OLA1: variants seen among roughly 807,000 people sequenced by gnomAD.
OLA1 encodes Obg like ATPase 1.
In OLA1, 14 loss-of-function variants were observed where a neutral mutation model predicts 48.4. The observed-to-expected ratio is 0.29, with a 90% CI of 0.19 to 0.45. The LOEUF is 0.45. Among genes scored for constraint, OLA1 ranks in the 20% least tolerant of loss-of-function variants. The probability of loss-of-function intolerance (pLI) is 1.00; values close to 1 mark genes in which losing one functional copy is unlikely to be tolerated. For synonymous variants in OLA1, 127 were observed against 150.4 expected (o/e 0.84, Z 1.14); for missense variants, 325 against 467.1 (o/e 0.70, Z 2.80).
intron 7 of OLA1, among the ~76,000 whole-genome samples, chr2:174,104,821 T>A (rs1477358604): frequency 6.6e-6 from 1 of 151,998 alleles, no homozygotes; most frequent in Non-Finnish European, 1.5e-5. Context: ...TAAAAACACA[T>A]GATTTTCAAC....
chr2:174,197,434 T>G (rs35576448), intron 4 of OLA1, among the ~76,000 whole-genome samples: 18 of 33,946 alleles, frequency 5.3e-4, no homozygotes, highest in African/African-American at 2.2e-3. Context: ...GGTTTGTTGT[T>G]TTTTTTTTTT....
At chr2:174,093,783 T>C (rs1401802937) in intron 7 of OLA1, among the ~76,000 whole-genome samples, 1 of 152,224 alleles carries the variant, frequency 6.6e-6, no homozygotes, top group Non-Finnish European at 1.5e-5. Context: ...CTATATTATG[T>C]TCCTATATAC....
chr2:174,223,611 CTATT>C (rs1184328246), intron 3 of OLA1, among the ~76,000 whole-genome samples: 16 of 151,884 alleles, frequency 1.1e-4, no homozygotes, highest in Non-Finnish European at 2.9e-5. Context: ...AAGATGGATG[CTATT>C]TATTAAGCCC....
At chr2:174,135,205 C>A (rs1385108432) in intron 5 of OLA1, among the ~76,000 whole-genome samples, 4 of 143,686 alleles carry the variant, frequency 2.8e-5, no homozygotes, top group Non-Finnish European at 4.6e-5. Context: ...GAGCACCAAA[C>A]AGGTAAAGTT....
rs189966162 is a variant in OLA1 at position 174,234,938 on chromosome 2, C to T, written c.102-5487G>A. The stretch of plus-strand genomic sequence containing the variant: ...TTTTGGAAGGCAGAGGCGGGCAGAT[C>T]ACTTGAGGTCAGGAGTTTAAGACCA... On this transcript the variant is annotated intron_variant, in intron 2 of 10. Transcript: ENST00000284719. Among the ~76,000 whole-genome samples, 295 of 152,224 alleles carry T rather than the reference C, an allele frequency of 1.9e-3. 2 individuals carry two copies. The highest frequency in any genetic ancestry group is 6.8e-3 in the African/African-American group (282 of 41,532).
intron 4 of OLA1, among the ~76,000 whole-genome samples, chr2:174,147,684 C>T (rs1406396422): frequency 6.6e-6 from 1 of 152,132 alleles, no homozygotes; most frequent in Non-Finnish European, 1.5e-5. Context: ...ATGACACCGA[C>T]CAAATGCTAA....
intron 4 of OLA1, among the ~76,000 whole-genome samples, chr2:174,150,293 T>C (rs1686713521): frequency 6.6e-6 from 1 of 152,198 alleles, no homozygotes; most frequent in Non-Finnish European, 1.5e-5. Context: ...TCCACCACCA[T>C]ATGATGGCCT....
chr2:174,163,504 A>G (rs1687061820), intron 4 of OLA1, among the ~76,000 whole-genome samples: 1 of 151,598 alleles, frequency 6.6e-6, no homozygotes, highest in Non-Finnish European at 1.5e-5. Context: ...CCTGGCCAAC[A>G]TGGTGAAACC....
chr2:174,177,306 C>T (rs1334892689), intron 4 of OLA1, among the ~76,000 whole-genome samples: 4 of 152,102 alleles, frequency 2.6e-5, no homozygotes, highest in Non-Finnish European at 5.9e-5. Flanking sequence ...TATTAGAATT[C>T]AAAATATTTC....
intron 2 of OLA1, among the ~76,000 whole-genome samples, chr2:174,239,279 T>C (rs1688939027): frequency 6.6e-6 from 1 of 152,182 alleles, no homozygotes; most frequent in Non-Finnish European, 1.5e-5. Context: ...TGCTTATTAA[T>C]TGCAATGGGA....
At chr2:174,166,633 T>A (rs1249513274) in intron 4 of OLA1, among the ~76,000 whole-genome samples, 1 of 152,222 alleles carries the variant, frequency 6.6e-6, no homozygotes, top group Non-Finnish European at 1.5e-5. Flanking sequence ...TAGTGCTTTT[T>A]GTCATTTTGC....
chr2:174,217,877 A>T (rs1409928897), intron 4 of OLA1: 5 of 152,214 alleles, frequency 3.3e-5, no homozygotes, highest in African/African-American at 1.2e-4. Context: ...TCTACCTGCT[A>T]TATAAAATTA....
chr2:174,247,594 C>A (rs1041649862), intron 1 of OLA1: 1 of 1,542,286 alleles, frequency 6.5e-7, no homozygotes, highest in Non-Finnish European at 8.8e-7. Context: ...TCACACCAAA[C>A]CATTCCTCTA....
intron 4 of OLA1, among the ~76,000 whole-genome samples, chr2:174,144,956 A>ATATATG (rs1686557310): frequency 1.6e-5 from 1 of 63,324 alleles, no homozygotes; most frequent in Non-Finnish European, 3.2e-5. Context: ...AAAAAAATAT[A>ATATATG]TATATATATA....
intron 7 of OLA1, among the ~76,000 whole-genome samples, chr2:174,096,257 A>G (rs151003143): frequency 1.8e-4 from 28 of 152,324 alleles, no homozygotes; most frequent in African/African-American, 6.5e-4. Context: ...GTTAGTGGTT[A>G]CCAGGGATTA....
In OLA1 at chr2:174,123,892, G is replaced by C. The variant is rs894418403; in HGVS notation, c.550-217C>G. On this transcript the variant is annotated intron_variant, in intron 5 of 10. Transcript: ENST00000284719. ...TTAATGTATAAAATGGACAATATTA[G>C]CAAAAATTAGTAACAGCCTGAAAAA... 2.0e-5 allele frequency among the ~76,000 whole-genome samples: 3 copies of C among 152,108 alleles called. No individual in the cohort carries two copies. The South Asian group carries it at 6.2e-4, about 32-fold the overall frequency.
In OLA1 at chr2:174,075,185, A is replaced by G. The variant is rs1024149175; in HGVS notation, c.*241T>C. 9.3e-5 allele frequency: 37 copies of G among 397,932 alleles called. No homozygotes were observed. The highest frequency in any genetic ancestry group is 7.4e-4 in the African/African-American group (35 of 47,104). 24.7% of individuals were successfully genotyped at this position (397,932 alleles called of 1,614,324 possible). A position where few individuals can be genotyped will look rare whatever the true frequency, so the allele number is the denominator to read the frequency against. On this transcript the variant is annotated 3_prime_UTR_variant, in exon 11 of 11. Coordinates refer to ENST00000284719, the MANE Select transcript of OLA1 (RefSeq NM_013341.5). Reference sequence around the variant, plus strand: ...GTAATATGGTTCCTGAAAAGCTTCTACAATTTGGAGTAGGGTCTTAATCAC... The same window carrying G: ...GTAATATGGTTCCTGAAAAGCTTCTGCAATTTGGAGTAGGGTCTTAATCAC...
At chr2:174,193,716 T>C (rs1003119304) in intron 4 of OLA1, among the ~76,000 whole-genome samples, 2 of 152,174 alleles carry the variant, frequency 1.3e-5, no homozygotes, top group African/African-American at 4.8e-5. Flanking sequence ...GTAATGTCTA[T>C]TCTATTGTGA....
chr2:174,230,164 A>G, intron 2 of OLA1, among the ~76,000 whole-genome samples: 1 of 152,204 alleles, frequency 6.6e-6, no homozygotes, highest in Non-Finnish European at 1.5e-5. Context: ...ATGTGATAAC[A>G]CTTTATCATT....
Sources: allele counts gnomAD v4.1 joint callset (sites outside exome capture counted in the v4.1 genomes callset), GRCh38; gene constraint gnomAD v4.1.1; transcripts MANE v1.5; gene names NCBI Gene and HGNC (gene_info 2026-07-23, HGNC 2026-07-21).